The following TMEM117 variants were observed in gnomAD, a reference collection of about 807,000 sequenced individuals.
TMEM117 encodes transmembrane protein 117.
Under a neutral mutation model 52.4 loss-of-function variants are expected in TMEM117, and 27 were observed. The observed-to-expected ratio is 0.51, with a 90% CI of 0.38 to 0.71. The LOEUF (loss-of-function observed/expected upper bound fraction) is 0.71. TMEM117 is among the 30% of genes least tolerant of loss of function. TMEM117 has a pLI of 0.00. For missense variants in TMEM117, 556 were observed against 630.5 expected (o/e 0.88, Z 1.26); for synonymous variants, 215 against 206.3 (o/e 1.04, Z -0.36).
chr12:44,125,249 C>T (rs956601498), intron 3 of TMEM117, among the ~76,000 whole-genome samples: 16 of 152,118 alleles, frequency 1.1e-4, no homozygotes, highest in African/African-American at 2.4e-4. Context: ...GGACTACAGG[C>T]GTCCGCCACC....
chr12:44,092,470 T>C (rs1424706194), intron 3 of TMEM117, among the ~76,000 whole-genome samples: 2 of 151,906 alleles, frequency 1.3e-5, no homozygotes, highest in South Asian at 2.1e-4. Context: ...GCCTAGGAGG[T>C]AGGAGATGAA....
chr12:44,143,878 C>G (rs1295520405), intron 4 of TMEM117, among the ~76,000 whole-genome samples: 3 of 152,152 alleles, frequency 2.0e-5, no homozygotes, highest in Non-Finnish European at 4.4e-5. Flanking sequence ...TATCATCTAC[C>G]TATCTAAACA....
At chr12:44,075,444 T>A (rs1292856093) in intron 3 of TMEM117, among the ~76,000 whole-genome samples, 1 of 152,246 alleles carries the variant, frequency 6.6e-6, no homozygotes, top group East Asian at 1.9e-4. Context: ...GTAGTTGCTA[T>A]CTTGAAATGT....
chr12:44,387,993 T>A lies in TMEM117; in HGVS notation c.899-33T>A. On this transcript the variant is annotated intron_variant, in intron 7 of 7. Coordinates refer to ENST00000266534, the MANE Select transcript of TMEM117 (RefSeq NM_032256.3). ...AAACCTTATTGCAATTTTATGGCCC[T>A]TTGATTAATGCAGTATTTCTTTTTT... The A allele has an allele frequency of 2.6e-6, 4 of 1,561,808 alleles. No individual in the cohort carries two copies. The South Asian group carries it at 4.8e-5, about 19-fold the overall frequency.
At chr12:43,874,466 C>A (rs1306500556) in intron 2 of TMEM117, among the ~76,000 whole-genome samples, 2 of 151,972 alleles carry the variant, frequency 1.3e-5, no homozygotes. Flanking sequence ...TGGCAGGCAC[C>A]TGTAATCCCA....
chr12:44,281,888 A>G (rs1047455877), intron 5 of TMEM117, among the ~76,000 whole-genome samples: 10 of 152,150 alleles, frequency 6.6e-5, no homozygotes, highest in Non-Finnish European at 1.2e-4. Context: ...AATGATTAAT[A>G]GATAATATTT....
At chr12:44,027,199 A>ATTTATTTTATTTTATTTTATTTT (rs1199295546) in intron 3 of TMEM117, among the ~76,000 whole-genome samples, 4 of 113,838 alleles carry the variant, frequency 3.5e-5, no homozygotes, top group African/African-American at 1.5e-4. Context: ...ATTTTATTTT[A>ATTTATTTTATTTTATTTTATTTT]ATTAGAGATG....
intron 3 of TMEM117, among the ~76,000 whole-genome samples, chr12:44,117,889 A>G (rs1167674499): frequency 6.6e-6 from 1 of 152,042 alleles, no homozygotes; most frequent in East Asian, 1.9e-4. Flanking sequence ...TGTGTTACCA[A>G]TTTATTGAGA....
chr12:43,944,160 G>A, intron 2 of TMEM117, 50 bp from the exon 3 acceptor site: 9 of 1,487,826 alleles, frequency 6.0e-6, no homozygotes, highest in Non-Finnish European at 8.3e-6. Flanking sequence ...AAAGATCCAT[G>A]AATTTTGAGT....
intron 4 of TMEM117, among the ~76,000 whole-genome samples, chr12:44,177,780 T>C (rs1949136256): frequency 6.6e-6 from 1 of 152,178 alleles, no homozygotes; most frequent in South Asian, 2.1e-4. Context: ...ATTTCAGCAT[T>C]GGATTAATCT....
At chr12:43,842,150 A>G (rs1295652620) in intron 1 of TMEM117, among the ~76,000 whole-genome samples, 1 of 152,134 alleles carries the variant, frequency 6.6e-6, no homozygotes, top group Admixed American at 6.5e-5. Context: ...ATTCTTACAC[A>G]TTGAATATCA....
intron 3 of TMEM117, among the ~76,000 whole-genome samples, chr12:44,123,813 ATAGTTTGAAG>A (rs1948277418): frequency 6.6e-6 from 1 of 152,122 alleles, no homozygotes; most frequent in African/African-American, 2.4e-5. Flanking sequence ...GCCCTGTATT[ATAGTTTGAAG>A]TCAGGTAGCG....
intron 5 of TMEM117, among the ~76,000 whole-genome samples, chr12:44,282,944 C>G (rs879744088): frequency 1.8e-4 from 28 of 152,224 alleles, no homozygotes; most frequent in Admixed American, 7.8e-4. Flanking sequence ...TGTGACCCAG[C>G]CACTCCAGCC....
Position 44,388,341 on chromosome 12 carries a change from T to G in TMEM117, c.1214T>G (p.Val405Gly). 1 of 1,613,622 alleles carries G rather than the reference T, an allele frequency of 6.2e-7. No individual in the cohort carries two copies. The highest frequency in any genetic ancestry group is 8.5e-7 in the Non-Finnish European group (1 of 1,179,672). The change falls in exon 8 of 8, where the codon GTG (valine) becomes GGG (glycine). Residue 405 changes from valine to glycine, a missense_variant. Physicochemically the swap from Val to Gly is moderately radical, Grantham distance 109. Around this residue, in one of 3 missense-constraint regions of TMEM117, gnomAD observed 206 missense variants for 211.1 expected, o/e 0.98. Coordinates refer to ENST00000266534, the MANE Select transcript of TMEM117 (RefSeq NM_032256.3). ...LAFVPSLIAF[V>G]WFGFFIWFFG... Reference sequence around the variant, plus strand: ...TTTGTTCCAAGCCTGATAGCCTTTGTGTGGTTTGGATTCTTTATTTGGTTC... The same window carrying G: ...TTTGTTCCAAGCCTGATAGCCTTTGGGTGGTTTGGATTCTTTATTTGGTTC...
intron 2 of TMEM117, among the ~76,000 whole-genome samples, chr12:43,853,145 A>G (rs770508543): frequency 6.6e-6 from 1 of 152,240 alleles, no homozygotes; most frequent in Non-Finnish European, 1.5e-5. Context: ...TCTATGAGTG[A>G]GAGATTATGT....
intron 6 of TMEM117, among the ~76,000 whole-genome samples, chr12:44,373,003 G>A (rs74085150): frequency 0.034 from 5,115 of 152,236 alleles, 280 homozygotes; most frequent in African/African-American, 0.12. Context: ...TTATACTTCA[G>A]TAAAAAATGG....
chr12:43,959,116 G>A (rs1446852493), intron 3 of TMEM117, among the ~76,000 whole-genome samples: 5 of 152,110 alleles, frequency 3.3e-5, no homozygotes, highest in Non-Finnish European at 7.4e-5. Flanking sequence ...CAAAATGCAT[G>A]GTTTCTATGT....
intron 7 of TMEM117, among the ~76,000 whole-genome samples, chr12:44,381,939 G>A (rs530867924): frequency 1.4e-3 from 215 of 152,278 alleles, no homozygotes; most frequent in African/African-American, 4.9e-3. Context: ...ATAAGGAAAT[G>A]TGTTGCATCC....
intron 2 of TMEM117, among the ~76,000 whole-genome samples, chr12:43,907,341 T>C (rs1347721099): frequency 2.0e-5 from 3 of 150,622 alleles, no homozygotes; most frequent in Non-Finnish European, 4.5e-5. Context: ...CAAAAACCCA[T>C]CTGTACATCA....
Sources: gnomAD v4.1 joint callset for allele counts (sites outside exome capture counted in the v4.1 genomes callset) on GRCh38, gnomAD v4.1.1 for gene constraint, gnomAD v4.1.1 regional missense constraint, MANE v1.5 for transcripts, NCBI Gene and HGNC (gene_info 2026-07-23, HGNC 2026-07-21) for gene names.